Variants in SCAPER observed in about 807,000 individuals in gnomAD.
SCAPER encodes S-phase cyclin A associated protein in the ER.
SCAPER carries 98 observed loss-of-function variants against 182.2 expected under a neutral mutation model. The ratio of observed to expected loss-of-function variants is 0.54; its 90% CI spans 0.46 to 0.64. The LOEUF (loss-of-function observed/expected upper bound fraction) is 0.64, where lower values mean the gene tolerates loss of function less well. Ranked by LOEUF, SCAPER falls within the 30% of genes least tolerant of loss-of-function variation. The pLI, the probability that SCAPER is intolerant of heterozygous loss-of-function variation, is 0.00. For missense variants in SCAPER, 1,432 were observed against 1,690.0 expected (o/e 0.85, Z 2.68); for synonymous variants, 605 against 564.6 (o/e 1.07, Z -1.01).
At chr15:76,420,084 C>T (rs1258895891) in intron 26 of SCAPER, among the ~76,000 whole-genome samples, 2 of 152,016 alleles carry the variant, frequency 1.3e-5, no homozygotes, top group Non-Finnish European at 2.9e-5. Flanking sequence ...CAAAACTCAA[C>T]ATTCCTTCAT....
chr15:76,697,919 C>A (rs922897288), intron 20 of SCAPER, among the ~76,000 whole-genome samples: 3 of 152,014 alleles, frequency 2.0e-5, no homozygotes, highest in African/African-American at 7.2e-5. Flanking sequence ...GGATTACAGG[C>A]GTGAGCCACC....
chr15:76,795,489 C>G (rs1357842828), intron 7 of SCAPER, 49 bp from the exon 8 acceptor site: 3 of 1,340,134 alleles, frequency 2.2e-6, no homozygotes, highest in Admixed American at 3.1e-5. Context: ...AAAAGAAAAA[C>G]TTCTGAATAT....
intron 22 of SCAPER, among the ~76,000 whole-genome samples, chr15:76,594,513 G>A (rs1401334192): frequency 8.3e-6 from 1 of 120,836 alleles, no homozygotes; most frequent in African/African-American, 2.5e-5. Flanking sequence ...GCAACCCCAA[G>A]ACACATAATC....
chr15:76,766,276 T>C (rs1459971728), intron 11 of SCAPER, among the ~76,000 whole-genome samples: 3 of 151,988 alleles, frequency 2.0e-5, no homozygotes, highest in Non-Finnish European at 4.4e-5. Flanking sequence ...TTTGTATTTT[T>C]AGTAGAGATG....
intron 22 of SCAPER, among the ~76,000 whole-genome samples, chr15:76,612,238 C>G (rs2051063771): frequency 6.6e-6 from 1 of 152,082 alleles, no homozygotes; most frequent in African/African-American, 2.4e-5. Flanking sequence ...GCTGCTGCTT[C>G]TTTTTTGCTT....
chr15:76,417,059 C>A (rs2045698853), intron 26 of SCAPER, among the ~76,000 whole-genome samples: 1 of 151,752 alleles, frequency 6.6e-6, no homozygotes, highest in African/African-American at 2.4e-5. Context: ...CACACACACC[C>A]TGTCTCTAAA....
At chr15:76,874,979 A>G (rs889905082) in intron 2 of SCAPER, among the ~76,000 whole-genome samples, 7 of 152,152 alleles carry the variant, frequency 4.6e-5, no homozygotes, top group Non-Finnish European at 8.8e-5. Context: ...CAAAAAAATA[A>G]TAATAATAAT....
At chr15:76,401,460 C>A (rs1179215681) in intron 27 of SCAPER, among the ~76,000 whole-genome samples, 1 of 152,176 alleles carries the variant, frequency 6.6e-6, no homozygotes, top group African/African-American at 2.4e-5. Flanking sequence ...TTTACTAATC[C>A]TTCTGCCTCT....
Position 76,817,993 on chromosome 15 carries a change from C to T in SCAPER, c.394-13360G>A, listed in dbSNP as rs7168650. 5.9e-3 allele frequency among the ~76,000 whole-genome samples: 901 copies of T among 152,234 alleles called. 4 individuals are homozygous for T. Among genetic ancestry groups the T allele is most frequent in the African/African-American group, 0.021 (868 of 41,546 alleles). Reference sequence around the variant, plus strand: ...AGCAGAAGCAAAAGACTCAGTAGAGCCAATACAATTTTGAAGAACAAAGCT... The same window carrying T: ...AGCAGAAGCAAAAGACTCAGTAGAGTCAATACAATTTTGAAGAACAAAGCT... On this transcript the variant is annotated intron_variant, in intron 5 of 31. Coordinates refer to ENST00000563290, the MANE Select transcript of SCAPER (RefSeq NM_020843.4).
At chr15:76,878,416 T>C (rs975709726) in intron 2 of SCAPER, among the ~76,000 whole-genome samples, 1 of 138,046 alleles carries the variant, frequency 7.2e-6, no homozygotes, top group Non-Finnish European at 1.6e-5. Context: ...AGTATTTTCA[T>C]GATTTTCAGG....
chr15:76,496,076 G>C (rs2040505491), intron 24 of SCAPER, among the ~76,000 whole-genome samples: 1 of 150,730 alleles, frequency 6.6e-6, no homozygotes, highest in Non-Finnish European at 1.5e-5. Context: ...AGGGGGGAAG[G>C]GACAAGAGGG....
intron 8 of SCAPER, among the ~76,000 whole-genome samples, chr15:76,777,608 C>T (rs1366604664): frequency 6.6e-6 from 1 of 152,158 alleles, no homozygotes; most frequent in Non-Finnish European, 1.5e-5. Flanking sequence ...ACAGAAGAAT[C>T]GCTTGGACCT....
chr15:76,754,347 T>G, intron 14 of SCAPER, among the ~76,000 whole-genome samples: 1 of 152,082 alleles, frequency 6.6e-6, no homozygotes, highest in East Asian at 1.9e-4. Flanking sequence ...TAGTGTATAA[T>G]TCTTGTCCTT....
intron 21 of SCAPER, among the ~76,000 whole-genome samples, chr15:76,651,734 C>T (rs1021179865): frequency 6.7e-6 from 1 of 150,364 alleles, no homozygotes; most frequent in African/African-American, 2.4e-5. Context: ...TCCCAAAAAG[C>T]TGGAGATGAG....
At chr15:76,572,800 G>A (rs1350159555) in intron 23 of SCAPER, among the ~76,000 whole-genome samples, 2 of 151,988 alleles carry the variant, frequency 1.3e-5, no homozygotes, top group Non-Finnish European at 2.9e-5. Flanking sequence ...CGATGTAGAC[G>A]AAAGCCTGAG....
intron 25 of SCAPER, among the ~76,000 whole-genome samples, chr15:76,463,855 C>T (rs1427189563): frequency 6.6e-6 from 1 of 151,984 alleles, no homozygotes; most frequent in Non-Finnish European, 1.5e-5. Flanking sequence ...CTCAGAAGAC[C>T]AGGGTCCAGG....
At chr15:76,878,231 T>C (rs2073307329) in intron 2 of SCAPER, among the ~76,000 whole-genome samples, 2 of 152,126 alleles carry the variant, frequency 1.3e-5, no homozygotes. Flanking sequence ...GATGTATGTA[T>C]ATTTACAGAC....
chr15:76,450,775 G>A lies in SCAPER; in HGVS notation c.3079-16465C>T, dbSNP rs575235048. ...TTGTCATATTGCCCAGGCTGGTCTC[G>A]AACTCCTGGGCTCAGCGATCCATGC... is the stretch of plus-strand genomic sequence containing the variant. On this transcript the variant is annotated intron_variant, in intron 25 of 31. Transcript: ENST00000563290. Among the ~76,000 whole-genome samples, 9 of 152,238 alleles carry A rather than the reference G, an allele frequency of 5.9e-5. No homozygotes were observed. In the East Asian group the frequency reaches 1.2e-3, roughly 20 times the overall value.
intron 1 of SCAPER, among the ~76,000 whole-genome samples, chr15:76,893,059 A>G (rs1295933592): frequency 6.6e-6 from 1 of 152,226 alleles, no homozygotes; most frequent in Non-Finnish European, 1.5e-5. Context: ...TTCTCAGCAA[A>G]CTATCACAAG....
Sources: gnomAD v4.1 joint callset for allele counts (sites outside exome capture counted in the v4.1 genomes callset) on GRCh38, gnomAD v4.1.1 for gene constraint, MANE v1.5 for transcripts, NCBI Gene and HGNC (gene_info 2026-07-23, HGNC 2026-07-21) for gene names.